Variants in CNBD1 observed in about 807,000 individuals in gnomAD.
CNBD1 encodes the protein cyclic nucleotide binding domain containing 1, also known as cyclic nucleotide-binding domain-containing protein 1.
Under a neutral mutation model 54.4 loss-of-function variants are expected in CNBD1, and 71 were observed. That is an observed-to-expected ratio of 1.30 (90% CI 1.08 to 1.59). The LOEUF is 1.59. Among genes scored for constraint, CNBD1 ranks in the 40% most tolerant of loss-of-function variants. The pLI, the probability that CNBD1 is intolerant of heterozygous loss-of-function variation, is 0.00. For synonymous variants in CNBD1, 182 were observed against 170.7 expected (o/e 1.07, Z -0.51); for missense variants, 659 against 518.0 (o/e 1.27, Z -2.64).
At chr8:86,984,275 T>C (rs955248900) in intron 4 of CNBD1, among the ~76,000 whole-genome samples, 3 of 152,140 alleles carry the variant, frequency 2.0e-5, no homozygotes, top group Non-Finnish European at 4.4e-5. Flanking sequence ...TTTCACAGGA[T>C]GTGTAGAAAC....
At chr8:87,320,554 G>A (rs1263922009) in intron 8 of CNBD1, among the ~76,000 whole-genome samples, 2 of 151,176 alleles carry the variant, frequency 1.3e-5, no homozygotes, top group Admixed American at 6.6e-5. Flanking sequence ...TTGATTAACA[G>A]GATTTCATGT....
intron 4 of CNBD1, among the ~76,000 whole-genome samples, chr8:87,148,565 A>G (rs561533202): frequency 2.0e-5 from 3 of 152,302 alleles, no homozygotes; most frequent in African/African-American, 4.8e-5. Context: ...GAAGGGGAAT[A>G]CTAATCTAGA....
chr8:87,272,524 G>A (rs1221862558), intron 6 of CNBD1, among the ~76,000 whole-genome samples: 2 of 151,944 alleles, frequency 1.3e-5, no homozygotes, highest in Non-Finnish European at 2.9e-5. Context: ...TTAGTGTTAT[G>A]TGGGAGAAAT....
chr8:87,407,367 C>T (rs1411383834), intron 2 of CNBD1, among the ~76,000 whole-genome samples: 1 of 151,640 alleles, frequency 6.6e-6, no homozygotes, highest in East Asian at 1.9e-4. Flanking sequence ...TTGTATAATA[C>T]CCTTTTGTAC....
chr8:87,425,523 G>A (rs1808030294), intron 2 of CNBD1, among the ~76,000 whole-genome samples: 1 of 152,088 alleles, frequency 6.6e-6, no homozygotes, highest in African/African-American at 2.4e-5. Context: ...CTGTTTGTTA[G>A]TTTTCCTTCT....
intron 4 of CNBD1, among the ~76,000 whole-genome samples, chr8:86,989,657 C>T (rs556933915): frequency 6.6e-6 from 1 of 152,046 alleles, no homozygotes; most frequent in African/African-American, 2.4e-5. Context: ...CACCATGTTG[C>T]CCAGGCTGGT....
intron 2 of CNBD1, among the ~76,000 whole-genome samples, chr8:87,403,216 T>A (rs998148641): frequency 6.6e-6 from 1 of 152,180 alleles, no homozygotes; most frequent in South Asian, 2.1e-4. Flanking sequence ...TTGAGACCCA[T>A]TATTAAACAC....
intron 3 of CNBD1, among the ~76,000 whole-genome samples, chr8:86,912,723 A>T (rs1809119593): frequency 6.6e-6 from 1 of 152,254 alleles, no homozygotes; most frequent in African/African-American, 2.4e-5. Flanking sequence ...AAAAAGGTTA[A>T]TTGTAAAACA....
chr8:87,232,675 A>G (rs2130822224), intron 5 of CNBD1, among the ~76,000 whole-genome samples: 1 of 152,264 alleles, frequency 6.6e-6, no homozygotes, highest in African/African-American at 2.4e-5. Flanking sequence ...TGTGTAAATG[A>G]TTACAGTACT....
chr8:87,064,806 C>A (rs1810616186), intron 4 of CNBD1, among the ~76,000 whole-genome samples: 1 of 151,798 alleles, frequency 6.6e-6, no homozygotes, highest in African/African-American at 2.4e-5. Flanking sequence ...ATTTAATTGG[C>A]TTTTAAAATC....
chr8:87,350,003 A>T (rs777600694), intron 8 of CNBD1, among the ~76,000 whole-genome samples: 1 of 152,204 alleles, frequency 6.6e-6, no homozygotes, highest in African/African-American at 2.4e-5. Flanking sequence ...ATAGTTAAAA[A>T]TAATGGATTT....
chr8:87,253,237 A>G (rs1807945476), intron 6 of CNBD1, among the ~76,000 whole-genome samples: 1 of 152,014 alleles, frequency 6.6e-6, no homozygotes, highest in Non-Finnish European at 1.5e-5. Flanking sequence ...ACTGGCCCGG[A>G]GGATTACGTC....
chr8:87,315,657 C>T (rs1809370895), intron 8 of CNBD1, among the ~76,000 whole-genome samples: 1 of 151,956 alleles, frequency 6.6e-6, no homozygotes, highest in Non-Finnish European at 1.5e-5. Flanking sequence ...TCCCATTAAG[C>T]TCAACCTTCA....
intron 4 of CNBD1, among the ~76,000 whole-genome samples, chr8:87,131,989 T>A (rs1812126562): frequency 6.6e-6 from 1 of 152,016 alleles, no homozygotes; most frequent in African/African-American, 2.4e-5. Context: ...TTTCACTGGA[T>A]TTATAATTCT....
chr8:87,347,053 G>C (rs1263487754), intron 8 of CNBD1, among the ~76,000 whole-genome samples: 1 of 152,190 alleles, frequency 6.6e-6, no homozygotes, highest in African/African-American at 2.4e-5. Flanking sequence ...ATTGCTCTTT[G>C]GGGGCTTATG....
At chr8:87,337,101 G>A (rs549220321) in intron 8 of CNBD1, among the ~76,000 whole-genome samples, 2 of 152,194 alleles carry the variant, frequency 1.3e-5, no homozygotes, top group African/African-American at 2.4e-5. Context: ...GACCTTGAGG[G>A]GCACAGACCT....
At chr8:87,187,625 T>A (rs1813509109) in intron 4 of CNBD1, among the ~76,000 whole-genome samples, 1 of 152,316 alleles carries the variant, frequency 6.6e-6, no homozygotes, top group East Asian at 1.9e-4. Flanking sequence ...CATCATTGTT[T>A]GTAATAGCAA....
chr8:86,890,365 T>C (rs979910693), intron 2 of CNBD1, among the ~76,000 whole-genome samples: 82 of 152,134 alleles, frequency 5.4e-4, no homozygotes, highest in African/African-American at 1.9e-3. Context: ...GTGCCTGCTC[T>C]ATCTTACTTA....
intron 6 of CNBD1, among the ~76,000 whole-genome samples, chr8:87,247,454 T>C (rs1412141053): frequency 6.6e-6 from 1 of 152,198 alleles, no homozygotes; most frequent in Non-Finnish European, 1.5e-5. Flanking sequence ...CATTGCCCCA[T>C]AATTCCAGTT....
Sources: allele counts gnomAD v4.1 joint callset (sites outside exome capture counted in the v4.1 genomes callset), GRCh38; gene constraint gnomAD v4.1.1; transcripts MANE v1.5; gene names NCBI Gene and HGNC (gene_info 2026-07-23, HGNC 2026-07-21).